The following ANKFN1 variants were observed in gnomAD, a reference collection of about 807,000 sequenced individuals.
ANKFN1 encodes the protein ankyrin repeat and fibronectin type-III domain-containing protein 1.
ANKFN1 carries 74 observed loss-of-function variants against 108.7 expected under a neutral mutation model. The ratio of observed to expected loss-of-function variants is 0.68; its 90% CI spans 0.56 to 0.83. The LOEUF (loss-of-function observed/expected upper bound fraction) is 0.83, where lower values mean the gene tolerates loss of function less well. ANKFN1 is among the 40% of genes least tolerant of loss of function. The probability of loss-of-function intolerance (pLI) is 0.00; values close to 1 mark genes in which losing one functional copy is unlikely to be tolerated. For synonymous variants in ANKFN1, 547 were observed against 516.2 expected (o/e 1.06, Z -0.81); for missense variants, 1,505 against 1,382.3 (o/e 1.09, Z -1.41).
At chr17:56,116,080 G>A (rs765806813) in intron 4 of ANKFN1, among the ~76,000 whole-genome samples, 3 of 152,128 alleles carry the variant, frequency 2.0e-5, no homozygotes, top group African/African-American at 7.2e-5. Context: ...CCTCTCCAAA[G>A]TCTTTCCTGA....
At chr17:56,172,244 G>T (rs1279040920) in intron 1 of ANKFN1, among the ~76,000 whole-genome samples, 10 of 152,084 alleles carry the variant, frequency 6.6e-5, no homozygotes, top group Non-Finnish European at 1.5e-4. Context: ...TTGAAAGAAT[G>T]CATCCTTTGG....
chr17:56,114,751 G>A (rs1906163997), intron 4 of ANKFN1, among the ~76,000 whole-genome samples: 1 of 152,194 alleles, frequency 6.6e-6, no homozygotes, highest in South Asian at 2.1e-4. Context: ...TCTTAAAATA[G>A]AGAGATTATC....
chr17:56,133,083 T>C (rs1342097241), intron 4 of ANKFN1, among the ~76,000 whole-genome samples: 1 of 152,182 alleles, frequency 6.6e-6, no homozygotes, highest in Non-Finnish European at 1.5e-5. Context: ...CCATTCAGGC[T>C]TACCTTTCTA....
intron 1 of ANKFN1, among the ~76,000 whole-genome samples, chr17:56,184,189 G>A (rs1211165298): frequency 1.3e-5 from 2 of 152,118 alleles, no homozygotes; most frequent in Non-Finnish European, 2.9e-5. Flanking sequence ...GAAATATTTT[G>A]TGAAAGGAAA....
At chr17:56,088,158 A>G (rs1336122422) in intron 4 of ANKFN1, among the ~76,000 whole-genome samples, 2 of 151,290 alleles carry the variant, frequency 1.3e-5, no homozygotes, top group Non-Finnish European at 3.0e-5. Flanking sequence ...TTCAGTTATT[A>G]AAAGTCTCTG....
intron 8 of ANKFN1, among the ~76,000 whole-genome samples, chr17:56,396,026 T>C (rs996433735): frequency 1.3e-5 from 2 of 151,752 alleles, no homozygotes; most frequent in African/African-American, 4.9e-5. Flanking sequence ...TGGAACAAAA[T>C]GAAAACAAAA....
chr17:56,479,529 G>C (rs17820450), intron 16 of ANKFN1, among the ~76,000 whole-genome samples: 7,986 of 152,258 alleles, frequency 0.052, 247 homozygotes, highest in East Asian at 0.091. Flanking sequence ...CTGGGACAAA[G>C]GGTAAATTTT....
intron 4 of ANKFN1, among the ~76,000 whole-genome samples, chr17:56,131,644 A>AC (rs1368133361): frequency 6.6e-6 from 1 of 152,208 alleles, no homozygotes; most frequent in African/African-American, 2.4e-5. Flanking sequence ...CCTTCTGGAC[A>AC]CGGATGTAGC....
intron 1 of ANKFN1, among the ~76,000 whole-genome samples, chr17:56,189,809 G>T (rs1176094423): frequency 6.6e-6 from 1 of 152,174 alleles, no homozygotes; most frequent in African/African-American, 2.4e-5. Context: ...GTCTGAACTT[G>T]TAATTCTGCT....
In ANKFN1 at chr17:56,513,905, A is replaced by T. The variant is rs1418921336; in HGVS notation, c.*2636A>T. 6.6e-6 allele frequency among the ~76,000 whole-genome samples: 1 copy of T among 152,186 alleles called. No individual in the cohort carries two copies. The highest frequency in any genetic ancestry group is 2.4e-5 in the African/African-American group (1 of 41,450). The stretch of plus-strand genomic sequence containing the variant: ...CTATTATTCAGGTAGGTTTCCCCAT[A>T]CCTTCACTTTGCAATATTTTGTGAG... On this transcript the variant is annotated 3_prime_UTR_variant, in exon 21 of 21. Coordinates refer to ENST00000682825, the MANE Select transcript of ANKFN1 (RefSeq NM_001370326.1).
At chr17:56,384,066 G>A (rs981278287) in intron 8 of ANKFN1, among the ~76,000 whole-genome samples, 2 of 152,056 alleles carry the variant, frequency 1.3e-5, no homozygotes, top group African/African-American at 4.8e-5. Context: ...GAACATTGAT[G>A]CAAAAATCCT....
At chr17:56,492,968 C>G (rs2051089595) in intron 19 of ANKFN1, among the ~76,000 whole-genome samples, 1 of 152,184 alleles carries the variant, frequency 6.6e-6, no homozygotes, top group Non-Finnish European at 1.5e-5. Context: ...GAAATTGCCT[C>G]TGAATCCCTT....
chr17:56,462,525 C>T (rs570184944), intron 14 of ANKFN1, among the ~76,000 whole-genome samples: 32 of 152,204 alleles, frequency 2.1e-4, no homozygotes, highest in African/African-American at 7.2e-4. Flanking sequence ...ACCCAGGAGG[C>T]GGAGGTTGTG....
At chr17:56,305,760 G>A (rs2044804027) in intron 3 of ANKFN1, among the ~76,000 whole-genome samples, 1 of 152,026 alleles carries the variant, frequency 6.6e-6, no homozygotes, top group South Asian at 2.1e-4. Context: ...TTCTACAAGT[G>A]GTATCATTTT....
chr17:56,107,087 C>T (rs962581026), intron 4 of ANKFN1, among the ~76,000 whole-genome samples: 8 of 152,118 alleles, frequency 5.3e-5, no homozygotes, highest in African/African-American at 1.2e-4. Context: ...GATCAAGTGC[C>T]TGGATTTCTG....
chr17:56,187,935 G>A (rs1224370388), intron 1 of ANKFN1, among the ~76,000 whole-genome samples: 2 of 152,022 alleles, frequency 1.3e-5, no homozygotes, highest in Admixed American at 6.6e-5. Flanking sequence ...CCTGTCGTGG[G>A]GTAGGGGGTG....
intron 4 of ANKFN1, among the ~76,000 whole-genome samples, chr17:56,072,751 G>A (rs1243675355): frequency 1.3e-5 from 2 of 152,200 alleles, no homozygotes; most frequent in Non-Finnish European, 2.9e-5. Context: ...TAACTGAGGT[G>A]TGTAAGTCGC....
chr17:56,153,866 G>A (rs1908835046), intron 1 of ANKFN1, among the ~76,000 whole-genome samples: 3 of 152,118 alleles, frequency 2.0e-5, no homozygotes. Flanking sequence ...GGAAACCAGG[G>A]ATTACTTGTC....
chr17:56,439,775 T>G (rs1360836775), intron 8 of ANKFN1, among the ~76,000 whole-genome samples: 1 of 152,178 alleles, frequency 6.6e-6, no homozygotes, highest in Non-Finnish European at 1.5e-5. Context: ...AGAGAGGCTT[T>G]TCAGTAGAAT....
Sources: allele counts gnomAD v4.1 joint callset (sites outside exome capture counted in the v4.1 genomes callset), GRCh38; gene constraint gnomAD v4.1.1; transcripts MANE v1.5; gene names NCBI Gene and HGNC (gene_info 2026-07-23, HGNC 2026-07-21).